JADE1: variants seen among roughly 807,000 people sequenced by gnomAD.
The protein encoded by JADE1 is protein Jade-1.
A neutral mutation model predicts 81.8 loss-of-function variants in JADE1; 14 were observed. That is an observed-to-expected ratio of 0.17 (90% CI 0.11 to 0.27). The LOEUF (loss-of-function observed/expected upper bound fraction) is 0.27, where lower values mean the gene tolerates loss of function less well. Ranked by LOEUF, JADE1 falls within the 10% of genes least tolerant of loss-of-function variation. The pLI is 1.00. For missense variants in JADE1, 690 were observed against 1,047.9 expected (o/e 0.66, Z 4.71); for synonymous variants, 353 against 391.9 (o/e 0.90, Z 1.17).
At chr4:128,843,838 G>A (rs1729651070) in intron 3 of JADE1, among the ~76,000 whole-genome samples, 3 of 152,204 alleles carry the variant, frequency 2.0e-5, no homozygotes, top group African/African-American at 4.8e-5. Flanking sequence ...ATTCCTTGGA[G>A]GAACTTCCCA....
At chr4:128,869,020 T>C (rs1310816888) in intron 10 of JADE1, among the ~76,000 whole-genome samples, 1 of 152,228 alleles carries the variant, frequency 6.6e-6, no homozygotes, top group Non-Finnish European at 1.5e-5. Flanking sequence ...AAGAAGTTGT[T>C]ATAACCTGTT....
chr4:128,812,778 C>T (rs568993317), intron 1 of JADE1, among the ~76,000 whole-genome samples: 1 of 152,384 alleles, frequency 6.6e-6, no homozygotes, highest in South Asian at 2.1e-4. Flanking sequence ...AGAGGGCTGG[C>T]GCCCTGCCTT....
chr4:128,861,289 A>C (rs922215704), intron 8 of JADE1, among the ~76,000 whole-genome samples: 30 of 152,220 alleles, frequency 2.0e-4, no homozygotes, highest in Admixed American at 9.8e-4. Flanking sequence ...TGTCTGCTCC[A>C]AGATGGGATT....
At chr4:128,864,424 C>T (rs1298200742) in intron 9 of JADE1, 1 of 984,676 alleles carries the variant, frequency 1.0e-6, no homozygotes, top group East Asian at 1.1e-4. Context: ...GGGATTACGC[C>T]ACTGTACCCA....
chr4:128,811,234 C>T (rs1428148775), intron 1 of JADE1: 1 of 152,334 alleles, frequency 6.6e-6, no homozygotes, highest in Non-Finnish European at 1.5e-5. Flanking sequence ...CACCTCCTTC[C>T]CGCTCCCCCC....
At position 128,831,780 on chromosome 4, in the gene JADE1, A is replaced by G; in HGVS notation, c.22A>G (p.Ser8Gly). 1 of 1,614,214 alleles carries G rather than the reference A, an allele frequency of 6.2e-7. No individual in the cohort carries two copies. The highest frequency in any genetic ancestry group is 8.5e-7 in the Non-Finnish European group (1 of 1,180,034). Reference sequence around the variant, plus strand: ...GATCATGAAACGAGGTCGCCTTCCCAGCAGCAGTGAGGATTCTGACGACAA... The same window carrying G: ...GATCATGAAACGAGGTCGCCTTCCCGGCAGCAGTGAGGATTCTGACGACAA... Reference protein sequence around the residue: MKRGRLPSSSEDSDDNGS... With the variant: MKRGRLPGSSEDSDDNGS... The change falls in exon 2 of 11, where the codon AGC (serine) becomes GGC (glycine). Residue 8 changes from serine (S) to glycine (G), a missense_variant. By Grantham distance (56) the Ser-to-Gly change is moderately conservative. This residue lies in a region of JADE1 where 59 missense variants were observed against 52.8 expected (regional missense o/e 1.12). Coordinates refer to ENST00000226319, the MANE Select transcript of JADE1 (RefSeq NM_199320.4).
At chr4:128,814,028 A>G (rs1288408684) in intron 1 of JADE1, among the ~76,000 whole-genome samples, 2 of 150,970 alleles carry the variant, frequency 1.3e-5, no homozygotes, top group Non-Finnish European at 2.9e-5. Context: ...AAAGGTAGAT[A>G]TGTGTTCATT....
rs541665659 is a variant in JADE1 at position 128,828,055 on chromosome 4, C to G, written c.-26-3678C>G. Reference sequence around the variant, plus strand: ...GAACTCCGCATTTACCACTGTCAGGCACAAACAGTAGTGAATTTCCGTTGT... The same window carrying G: ...GAACTCCGCATTTACCACTGTCAGGGACAAACAGTAGTGAATTTCCGTTGT... On this transcript the variant is annotated intron_variant, in intron 1 of 10. Transcript: ENST00000226319. 3.3e-4 allele frequency: 63 copies of G among 192,810 alleles called. No individual in the cohort carries two copies. The South Asian group carries it at 4.8e-3, about 15-fold the overall frequency. 11.9% of individuals were successfully genotyped at this position (192,810 alleles called of 1,614,324 possible). A position where few individuals can be genotyped will look rare whatever the true frequency, so the allele number is the denominator to read the frequency against.
chr4:128,811,699 G>A (rs1237971909), intron 1 of JADE1: 5 of 147,876 alleles, frequency 3.4e-5, no homozygotes, highest in South Asian at 2.1e-4. Flanking sequence ...AAAGCCCGCG[G>A]CGCGGGGGTG....
chr4:128,816,637 A>G (rs1490642295), intron 1 of JADE1, among the ~76,000 whole-genome samples: 1 of 152,184 alleles, frequency 6.6e-6, no homozygotes, highest in Non-Finnish European at 1.5e-5. Flanking sequence ...CTTTATCACT[A>G]GGAAAGGGGC....
In JADE1 at chr4:128,855,339, C is replaced by T. The variant is rs191134032; in HGVS notation, c.697-291C>T. ...CACAGCAAAGCAGATTTCATTTAAACCTTTCTGTCCTCAAGTAGTTTCCAG... is the reference window on the plus strand; with the variant it reads ...CACAGCAAAGCAGATTTCATTTAAATCTTTCTGTCCTCAAGTAGTTTCCAG... On this transcript the variant is annotated intron_variant, in intron 6 of 10. Transcript: ENST00000226319. Among the ~76,000 whole-genome samples, 3 of 152,298 alleles carry T rather than the reference C, an allele frequency of 2.0e-5. No individual in the cohort carries two copies. In the East Asian group the frequency reaches 5.8e-4, roughly 29 times the overall value.
chr4:128,862,609 A>G (rs1731433979), intron 9 of JADE1: 2 of 1,035,384 alleles, frequency 1.9e-6, no homozygotes, highest in South Asian at 3.7e-5. Context: ...TTAGAAAACC[A>G]GAACGGATTT....
chr4:128,850,481 G>A (rs1730258758), intron 5 of JADE1, among the ~76,000 whole-genome samples: 1 of 152,170 alleles, frequency 6.6e-6, no homozygotes, highest in Non-Finnish European at 1.5e-5. Context: ...AATGTAGACT[G>A]AGCTGAGCAT....
intron 6 of JADE1, among the ~76,000 whole-genome samples, chr4:128,855,191 C>T (rs1444002702): frequency 6.6e-6 from 1 of 152,200 alleles, no homozygotes; most frequent in East Asian, 1.9e-4. Context: ...TATTCCACCC[C>T]ACCTCTGTCA....
At chr4:128,814,952 C>T (rs1487808941) in intron 1 of JADE1, among the ~76,000 whole-genome samples, 1 of 152,072 alleles carries the variant, frequency 6.6e-6, no homozygotes, top group African/African-American at 2.4e-5. Context: ...CATTTAGCCC[C>T]AGACTGTAAT....
Position 128,846,296 on chromosome 4 carries a change from A to G in JADE1, c.139-79A>G, listed in dbSNP as rs926395179. The G allele has an allele frequency of 5.0e-6, 7 of 1,395,830 alleles. No homozygotes were observed. Among genetic ancestry groups the G allele is most frequent in the African/African-American group, 1.4e-5 (1 of 70,640 alleles). 86.5% of individuals were successfully genotyped at this position (1,395,830 alleles called of 1,614,324 possible). A position where few individuals can be genotyped will look rare whatever the true frequency, so the allele number is the denominator to read the frequency against. ...AGTGACCTTGTTACATGGCAGCTCC[A>G]TGGTTACATTGCAGCTGCCAGCACT... is the stretch of plus-strand genomic sequence containing the variant. On this transcript the variant is annotated intron_variant, in intron 3 of 10. Transcript: ENST00000226319. The surrounding 1 kb of genome is among the most constrained non-coding windows in gnomAD (Gnocchi z 4.0).
chr4:128,820,897 T>C (rs1265352326), intron 1 of JADE1, among the ~76,000 whole-genome samples: 3 of 152,222 alleles, frequency 2.0e-5, no homozygotes, highest in African/African-American at 7.2e-5. Flanking sequence ...AACATCTGGT[T>C]TGAGCATTTA....
chr4:128,816,006 A>G (rs1207366592), intron 1 of JADE1, among the ~76,000 whole-genome samples: 3 of 136,286 alleles, frequency 2.2e-5, no homozygotes, highest in Non-Finnish European at 3.2e-5. Flanking sequence ...ACCATATTCA[A>G]CAATACTTTT....
At chr4:128,810,504 A>G (rs996546763) in intron 1 of JADE1, 2 of 149,006 alleles carry the variant, frequency 1.3e-5, no homozygotes, top group Admixed American at 1.3e-4. Flanking sequence ...GGCTGCATGA[A>G]AGTGGAAAGC....
Sources: gnomAD v4.1 joint callset for allele counts (sites outside exome capture counted in the v4.1 genomes callset) on GRCh38, gnomAD v4.1.1 for gene constraint, gnomAD v4.1.1 regional missense constraint, Gnocchi (gnomAD v3.1) non-coding constraint, MANE v1.5 for transcripts, NCBI Gene and HGNC (gene_info 2026-07-23, HGNC 2026-07-21) for gene names.